DTD1: variants seen among roughly 807,000 people sequenced by gnomAD.
DTD1 encodes the protein D-aminoacyl-tRNA deacylase 1.
A neutral mutation model predicts 25.6 loss-of-function variants in DTD1; 13 were observed. The ratio of observed to expected loss-of-function variants is 0.51; its 90% CI spans 0.33 to 0.81. The LOEUF (loss-of-function observed/expected upper bound fraction) is 0.81, where lower values mean the gene tolerates loss of function less well. DTD1 is among the 30% of genes least tolerant of loss of function. The probability of loss-of-function intolerance (pLI) is 0.02; values close to 1 mark genes in which losing one functional copy is unlikely to be tolerated. For missense variants in DTD1, 193 were observed against 266.4 expected, an observed-to-expected ratio of 0.72 and a Z score of 1.92; for synonymous variants, 110 against 103.6, an observed-to-expected ratio of 1.06 and a Z score of -0.37.
chr20:18,708,260 A>C (rs1363427265), intron 4 of DTD1, among the ~76,000 whole-genome samples: 1 of 27,816 alleles, frequency 3.6e-5, no homozygotes, highest in African/African-American at 1.0e-4. Context: ...TATTATATAT[A>C]TATTTTATAT....
chr20:18,629,951 C>A (rs2060777846), intron 4 of DTD1, among the ~76,000 whole-genome samples: 1 of 151,980 alleles, frequency 6.6e-6, no homozygotes, highest in South Asian at 2.1e-4. Flanking sequence ...CAGTCACCTC[C>A]CACCAGGCCC....
intron 4 of DTD1, among the ~76,000 whole-genome samples, chr20:18,638,188 CATCCATCCATCCATCCATCCATCCATCT>C (rs1448703643): frequency 2.7e-5 from 1 of 37,682 alleles, no homozygotes; most frequent in Non-Finnish European, 7.2e-5. Context: ...TCCATCCATC[CATCCATCCATCCATCCATCCATCCATCT>C]ATCCATCCAC....
rs1181803779 is a variant in DTD1, at chr20:18,764,430, T to A, written c.*1090T>A. 6.6e-6 allele frequency: 1 copy of A among 152,220 alleles called. No individual in the cohort carries two copies. The highest frequency in any genetic ancestry group is 1.5e-5 in the Non-Finnish European group (1 of 68,036). 9.4% of individuals were successfully genotyped at this position (152,220 alleles called of 1,614,324 possible). A position where few individuals can be genotyped will look rare whatever the true frequency, so the allele number is the denominator to read the frequency against. On this transcript the variant is annotated 3_prime_UTR_variant, in exon 6 of 6. Coordinates refer to ENST00000377452, the MANE Select transcript of DTD1 (RefSeq NM_080820.6). ...ATGATTTAATAGCTTTATTTATATA[T>A]CTAATAACGCTCGCATATATGCTCT...
At chr20:18,708,733 C>T (rs2061146247) in intron 4 of DTD1, among the ~76,000 whole-genome samples, 1 of 152,034 alleles carries the variant, frequency 6.6e-6, no homozygotes, top group Non-Finnish European at 1.5e-5. Flanking sequence ...CAGTTCAGGG[C>T]GGGCAGTGGT....
intron 5 of DTD1, among the ~76,000 whole-genome samples, chr20:18,761,407 T>C (rs759569613): frequency 6.6e-6 from 1 of 152,148 alleles, no homozygotes; most frequent in African/African-American, 2.4e-5. Context: ...TGGAATACTT[T>C]TTCTAAACAG....
chr20:18,757,769 GA>G (rs1236977597), intron 5 of DTD1, among the ~76,000 whole-genome samples: 22 of 152,276 alleles, frequency 1.4e-4, no homozygotes, highest in African/African-American at 5.1e-4. Flanking sequence ...TTGGTATCAG[GA>G]TGATGCTGGC....
chr20:18,660,285 T>A (rs766219855), intron 4 of DTD1, among the ~76,000 whole-genome samples: 1 of 152,176 alleles, frequency 6.6e-6, no homozygotes, highest in South Asian at 2.1e-4. Flanking sequence ...AGTGGTGTGA[T>A]CATGGCTTAC....
chr20:18,701,523 G>C (rs1248882369), intron 4 of DTD1, among the ~76,000 whole-genome samples: 1 of 152,206 alleles, frequency 6.6e-6, no homozygotes, highest in African/African-American at 2.4e-5. Context: ...TTGTGGGCAG[G>C]TAGGAGCAAC....
chr20:18,588,158 C>T, intron 1 of DTD1, 43 bp downstream of exon 1: 1 of 1,234,890 alleles, frequency 8.1e-7, no homozygotes, highest in South Asian at 3.5e-5. Context: ...CGCCCCTGAC[C>T]CCCGCGACCG....
At chr20:18,716,677 C>T (rs901887711) in intron 4 of DTD1, among the ~76,000 whole-genome samples, 3 of 152,158 alleles carry the variant, frequency 2.0e-5, no homozygotes, top group African/African-American at 7.2e-5. Context: ...ACACTTGACT[C>T]GAACAATGTG....
At position 18,622,531 on chromosome 20, in the gene DTD1, A is replaced by C. The variant is rs531410298; in HGVS notation, c.371-5596A>C. Among the ~76,000 whole-genome samples, 4 of 152,272 alleles carry C rather than the reference A, an allele frequency of 2.6e-5. No homozygotes were observed. In the East Asian group the frequency reaches 7.7e-4, roughly 29 times the overall value. On this transcript the variant is annotated intron_variant, in intron 3 of 5. Coordinates refer to ENST00000377452, the MANE Select transcript of DTD1 (RefSeq NM_080820.6). ...TGTTAACCTGATAAATGCATTTCCT[A>C]ATCATGAGCCATGCTGATTAAACCT... is the stretch of plus-strand genomic sequence containing the variant.
At chr20:18,743,987 G>T in intron 4 of DTD1, 113 bp from the exon 5 acceptor site, 1 of 1,152,892 alleles carries the variant, frequency 8.7e-7, no homozygotes, top group South Asian at 1.6e-5. Flanking sequence ...GCTCTGCCAG[G>T]TTATCAGAAA....
intron 2 of DTD1, among the ~76,000 whole-genome samples, chr20:18,594,505 C>G (rs533323827): frequency 6.6e-6 from 1 of 152,256 alleles, no homozygotes; most frequent in South Asian, 2.1e-4. Flanking sequence ...CCCATTCATT[C>G]CAGACATAAA....
rs1470964737 is a variant in DTD1, at chr20:18,749,237, A to G, written c.*19+4966A>G. Reference sequence around the variant, plus strand: ...AGGGATTCTGGAGGGAGAGCAGTGCAGGTGGCTCCAGGGCTCCAGGAGGCA... The same window carrying G: ...AGGGATTCTGGAGGGAGAGCAGTGCGGGTGGCTCCAGGGCTCCAGGAGGCA... On this transcript the variant is annotated intron_variant, in intron 5 of 5. Coordinates refer to ENST00000377452, the MANE Select transcript of DTD1 (RefSeq NM_080820.6). The surrounding 1 kb of genome is among the most constrained non-coding windows in gnomAD (Gnocchi z 4.2). 1.3e-5 allele frequency among the ~76,000 whole-genome samples: 2 copies of G among 152,176 alleles called. No homozygotes were observed. The highest frequency in any genetic ancestry group is 2.9e-5 in the Non-Finnish European group (2 of 68,010).
chr20:18,614,522 G>T (rs1276974693), intron 3 of DTD1, among the ~76,000 whole-genome samples: 1 of 152,188 alleles, frequency 6.6e-6, no homozygotes, highest in East Asian at 1.9e-4. Context: ...GCCTGAGCAG[G>T]TTCAAGAGGT....
intron 4 of DTD1, among the ~76,000 whole-genome samples, chr20:18,728,526 A>G (rs2061230260): frequency 6.6e-6 from 1 of 152,098 alleles, no homozygotes. Context: ...CACTTTGGAG[A>G]TCTGCCATTG....
At chr20:18,625,209 G>C (rs1047675124) in intron 3 of DTD1, among the ~76,000 whole-genome samples, 1 of 152,178 alleles carries the variant, frequency 6.6e-6, no homozygotes, top group Non-Finnish European at 1.5e-5. Flanking sequence ...TCCCTCCATG[G>C]CCCTGAGTGT....
intron 4 of DTD1, among the ~76,000 whole-genome samples, chr20:18,667,567 C>T (rs7264655): frequency 0.38 from 50,739 of 134,428 alleles, 8,897 homozygotes; most frequent in Non-Finnish European, 0.46. Context: ...AGGGAAGGTC[C>T]CCCCTGGCAT....
intron 4 of DTD1, chr20:18,632,505 G>A (rs1302274840): frequency 1.0e-6 from 1 of 985,268 alleles, no homozygotes; most frequent in Non-Finnish European, 1.2e-6. Context: ...GGAGCAAATA[G>A]CTAATTTGCT....
Sources: allele counts gnomAD v4.1 joint callset (sites outside exome capture counted in the v4.1 genomes callset), GRCh38; gene constraint gnomAD v4.1.1; non-coding constraint Gnocchi (gnomAD v3.1); transcripts MANE v1.5; gene names NCBI Gene and HGNC (gene_info 2026-07-23, HGNC 2026-07-21).